The following WWTR1 variants were observed in gnomAD, a reference collection of about 807,000 sequenced individuals.
WWTR1 encodes WW domain containing transcription regulator 1, also known as WW domain-containing transcription regulator protein 1.
WWTR1 carries 13 observed loss-of-function variants against 40.1 expected under a neutral mutation model. That is an observed-to-expected ratio of 0.32 (90% CI 0.21 to 0.52). The LOEUF is 0.52. Ranked by LOEUF, WWTR1 falls within the 20% of genes least tolerant of loss-of-function variation. The pLI, the probability that WWTR1 is intolerant of heterozygous loss-of-function variation, is 0.97. For missense variants in WWTR1, 436 were observed against 523.1 expected (o/e 0.83, Z 1.63); for synonymous variants, 230 against 210.1 (o/e 1.09, Z -0.82).
chr3:149,525,965 T>A (rs755283415), intron 6 of WWTR1, 48 bp downstream of exon 6: 1 of 1,128,772 alleles, frequency 8.9e-7, no homozygotes, highest in Non-Finnish European at 1.2e-6. Flanking sequence ...GAAGAGATCA[T>A]TTAAAAAACA....
intron 2 of WWTR1, among the ~76,000 whole-genome samples, chr3:149,612,774 G>C (rs911085514): frequency 6.6e-6 from 1 of 152,038 alleles, no homozygotes; most frequent in East Asian, 1.9e-4. Context: ...TCCTGCACTC[G>C]TCACGTCTGT....
chr3:149,614,229 G>A (rs934904602), intron 2 of WWTR1, among the ~76,000 whole-genome samples: 10 of 152,144 alleles, frequency 6.6e-5, no homozygotes, highest in African/African-American at 1.9e-4. Context: ...GATCATGATG[G>A]AGCTAAATAA....
rs577752185 is a variant in WWTR1, at chr3:149,637,392, A to AT, written c.431+19483dup. ...AGGGGTGTGCCACCATGCCCAGCTA[A>AT]TTTTTTTTTTGTATTTTTAGTAGAG... is the stretch of plus-strand genomic sequence containing the variant. On this transcript the variant is annotated intron_variant, in intron 2 of 6. Transcript: ENST00000360632. Among the ~76,000 whole-genome samples the AT allele has an allele frequency of 6.9e-3, 1,024 of 148,628 alleles. 6 individuals are homozygous for AT. The highest frequency in any genetic ancestry group is 0.012 in the Admixed American group (182 of 14,888).
At chr3:149,602,298 C>T (rs575927954) in intron 2 of WWTR1, among the ~76,000 whole-genome samples, 21 of 152,264 alleles carry the variant, frequency 1.4e-4, no homozygotes, top group African/African-American at 4.3e-4. Flanking sequence ...CTTGAATGAG[C>T]ATTCACATGT....
rs945506497 is a variant in WWTR1 at position 149,643,733 on chromosome 3, C to A, written c.431+13143G>T. Among the ~76,000 whole-genome samples the A allele has an allele frequency of 3.3e-5, 5 of 152,124 alleles. No homozygotes were observed. The East Asian group carries it at 9.6e-4, about 29-fold the overall frequency. ...ATTAGTACCTCAGGCCCTGTTATGA[C>A]CTATCCTGGGAAAGAAAGTGTCCTC... On this transcript the variant is annotated intron_variant, in intron 2 of 6. Coordinates refer to ENST00000360632, the MANE Select transcript of WWTR1 (RefSeq NM_015472.6).
At chr3:149,525,304 T>G (rs1735247207) in intron 6 of WWTR1, among the ~76,000 whole-genome samples, 1 of 152,140 alleles carries the variant, frequency 6.6e-6, no homozygotes, top group African/African-American at 2.4e-5. Flanking sequence ...TATAAACCAG[T>G]GTCACTTTCC....
chr3:149,679,979 G>T (rs6777216), intron 1 of WWTR1, among the ~76,000 whole-genome samples: 6,501 of 152,178 alleles, frequency 0.043, 283 homozygotes, highest in East Asian at 0.12. Flanking sequence ...GTAAATCTCT[G>T]CTGGTCTCTC....
intron 2 of WWTR1, chr3:149,669,732 A>G (rs1017308743): frequency 2.7e-5 from 4 of 148,726 alleles, no homozygotes; most frequent in African/African-American, 7.4e-5. Flanking sequence ...AATGTGTTTA[A>G]TATCATGTTC....
At chr3:149,631,558 C>G (rs770163798) in intron 2 of WWTR1, among the ~76,000 whole-genome samples, 5 of 152,180 alleles carry the variant, frequency 3.3e-5, no homozygotes, top group Non-Finnish European at 7.3e-5. Context: ...AGAATCACCA[C>G]CTACCCTCTG....
intron 1 of WWTR1, among the ~76,000 whole-genome samples, chr3:149,676,595 T>C (rs1423706497): frequency 6.6e-6 from 1 of 152,196 alleles, no homozygotes; most frequent in African/African-American, 2.4e-5. Context: ...CAACCCTGCC[T>C]GGCAGATATT....
At chr3:149,638,618 T>G (rs1277178073) in intron 2 of WWTR1, among the ~76,000 whole-genome samples, 1 of 151,872 alleles carries the variant, frequency 6.6e-6, no homozygotes, top group African/African-American at 2.4e-5. Context: ...TTTTTCTCTC[T>G]CCATCCTTCT....
intron 2 of WWTR1, among the ~76,000 whole-genome samples, chr3:149,653,623 T>C (rs1560104894): frequency 6.6e-6 from 1 of 152,198 alleles, no homozygotes; most frequent in Non-Finnish European, 1.5e-5. Context: ...TTACATCATA[T>C]ACCTAGGAAT....
intron 4 of WWTR1, among the ~76,000 whole-genome samples, chr3:149,718,789 T>C (rs1715674411): frequency 6.6e-6 from 1 of 152,064 alleles, no homozygotes; most frequent in Admixed American, 6.5e-5. Flanking sequence ...GGTTCATCCA[T>C]GTTGTAGCAT....
intron 2 of WWTR1, among the ~76,000 whole-genome samples, chr3:149,633,730 A>C (rs1490163410): frequency 6.6e-6 from 1 of 152,172 alleles, no homozygotes; most frequent in African/African-American, 2.4e-5. Flanking sequence ...AATCCATGGC[A>C]GAATGAACTG....
rs1422879576 is a variant in WWTR1, at chr3:149,520,433, G to A, written c.*372C>T. The A allele has an allele frequency of 6.2e-6, 1 of 161,798 alleles. No homozygotes were observed. Among genetic ancestry groups the A allele is most frequent in the Admixed American group, 6.4e-5 (1 of 15,532 alleles). 10.0% of individuals were successfully genotyped at this position (161,798 alleles called of 1,614,324 possible). A position where few individuals can be genotyped will look rare whatever the true frequency, so the allele number is the denominator to read the frequency against. On this transcript the variant is annotated 3_prime_UTR_variant, in exon 7 of 7. Transcript: ENST00000360632. The stretch of plus-strand genomic sequence containing the variant: ...AAGATGCCCTCAGAAGTAACTGCCT[G>A]TGGTCAGCTTTTTATGGTTTAAAAT...
At chr3:149,716,357 G>T (rs1715607492) in intron 5 of WWTR1, among the ~76,000 whole-genome samples, 1 of 151,998 alleles carries the variant, frequency 6.6e-6, no homozygotes, top group Admixed American at 6.6e-5. Flanking sequence ...ACTACAGCCT[G>T]GGTGACAAAG....
chr3:149,641,740 C>CCTA (rs997972631), intron 2 of WWTR1, among the ~76,000 whole-genome samples: 4 of 152,176 alleles, frequency 2.6e-5, no homozygotes, highest in Admixed American at 2.6e-4. Flanking sequence ...ACATTCTGCT[C>CCTA]CTACTGTTAA....
At chr3:149,604,323 C>A (rs1739390548) in intron 2 of WWTR1, among the ~76,000 whole-genome samples, 1 of 152,192 alleles carries the variant, frequency 6.6e-6, no homozygotes, top group South Asian at 2.1e-4. Context: ...CCCACCACAT[C>A]CCGGGAAGGA....
rs3044118 is a variant in WWTR1 at position 149,557,061 on chromosome 3, C to CTTTTTTTTTTTTT, written c.569-14537_569-14525dup. On this transcript the variant is annotated intron_variant, in intron 3 of 6. Transcript: ENST00000360632. Reference sequence around the variant, plus strand: ...TCCTAGTGTTCCCTACTGGAATCTTCTTTTTTTTTTTTTTTTTTTTTTTTT... The same window carrying CTTTTTTTTTTTTT: ...TCCTAGTGTTCCCTACTGGAATCTTCTTTTTTTTTTTTTTTTTTTTTTTTTTTTTTTTTTTTTT... Among the ~76,000 whole-genome samples, 115 of 64,374 alleles carry CTTTTTTTTTTTTT rather than the reference C, an allele frequency of 1.8e-3. 24 individuals carry two copies. The highest frequency in any genetic ancestry group is 2.1e-3 in the Non-Finnish European group (78 of 36,368). 42.2% of individuals were successfully genotyped at this position (64,374 alleles called of 152,430 possible).
Sources: gnomAD v4.1 joint callset for allele counts (sites outside exome capture counted in the v4.1 genomes callset) on GRCh38, gnomAD v4.1.1 for gene constraint, MANE v1.5 for transcripts, NCBI Gene and HGNC (gene_info 2026-07-23, HGNC 2026-07-21) for gene names.